TMEM164: variants seen among roughly 807,000 people sequenced by gnomAD.
The protein encoded by TMEM164 is transmembrane protein 164.
Under a neutral mutation model 18.8 loss-of-function variants are expected in TMEM164, and 4 were observed. The observed-to-expected ratio is 0.21, with a 90% CI of 0.10 to 0.49. The LOEUF (loss-of-function observed/expected upper bound fraction) is 0.49. TMEM164 is among the 20% of genes least tolerant of loss of function. The pLI is 0.98. For synonymous variants in TMEM164, 86 were observed against 101.7 expected (o/e 0.85, Z 0.93); for missense variants, 108 against 239.9 (o/e 0.45, Z 3.63).
At chrX:110,123,341 G>A (rs193262802) in intron 4 of TMEM164, among the ~76,000 whole-genome samples, 5 of 112,413 alleles carry the variant, frequency 4.4e-5, no homozygotes, top group Non-Finnish European at 5.6e-5. Context: ...CTTTGAAACT[G>A]AGTGTGCATT....
At position 110,173,739 on chromosome X, in the gene TMEM164, T is replaced by C. The variant is rs2067259849; in HGVS notation, c.*288T>C. The C allele has an allele frequency of 3.2e-6, 1 of 317,434 alleles. No homozygotes were observed. The highest frequency in any genetic ancestry group is 5.6e-5 in the East Asian group (1 of 17,780). 26.2% of individuals were successfully genotyped at this position (317,434 alleles called of 1,213,427 possible). A position where few individuals can be genotyped will look rare whatever the true frequency, so the allele number is the denominator to read the frequency against. ...ATGGGGAGATTGCAGTGAGCGGCTCTTTCACTCTGCTTGTCGGTGCTTTAA... is the reference window on the plus strand; with the variant it reads ...ATGGGGAGATTGCAGTGAGCGGCTCCTTCACTCTGCTTGTCGGTGCTTTAA... On this transcript the variant is annotated 3_prime_UTR_variant, in exon 7 of 7. Coordinates refer to ENST00000372068, the MANE Select transcript of TMEM164 (RefSeq NM_032227.4).
At chrX:110,058,198 A>G (rs1448155767) in intron 2 of TMEM164, among the ~76,000 whole-genome samples, 1 of 111,264 alleles carries the variant, frequency 9.0e-6, no homozygotes, top group Non-Finnish European at 1.9e-5. Flanking sequence ...CATTTGTTCA[A>G]GCAAGCATCT....
At chrX:110,082,842 A>G (rs533176374) in intron 3 of TMEM164, among the ~76,000 whole-genome samples, 1 of 110,579 alleles carries the variant, frequency 9.0e-6, no homozygotes, top group Admixed American at 9.7e-5. Flanking sequence ...ACATATACAT[A>G]ATATGGTGGT....
rs182281827 is a variant in TMEM164, at chrX:110,014,042, A to G, written c.390+9878A>G. 2.7e-5 allele frequency among the ~76,000 whole-genome samples: 3 copies of G among 111,877 alleles called. No individual in the cohort carries two copies. The East Asian group carries it at 8.4e-4, about 31-fold the overall frequency. On this transcript the variant is annotated intron_variant, in intron 2 of 6. Coordinates refer to ENST00000372068, the MANE Select transcript of TMEM164 (RefSeq NM_032227.4). ...TAAAATGATATGATCAAACTTGAAC[A>G]TTACCAGAGTTGTTGTGAGGATTAA...
chrX:110,030,328 C>G (rs1176707484), intron 2 of TMEM164, among the ~76,000 whole-genome samples: 1 of 107,362 alleles, frequency 9.3e-6, no homozygotes, highest in Non-Finnish European at 1.9e-5. Context: ...ACTGCGTTGC[C>G]GAGGCTAGTT....
intron 2 of TMEM164, among the ~76,000 whole-genome samples, chrX:110,024,036 A>G (rs898599719): frequency 9.0e-6 from 1 of 111,584 alleles, no homozygotes; most frequent in Non-Finnish European, 1.9e-5. Flanking sequence ...ACCAGATGGT[A>G]TCTAAGACCT....
At chrX:110,168,679 T>C (rs1287603250) in intron 5 of TMEM164, among the ~76,000 whole-genome samples, 1 of 112,641 alleles carries the variant, frequency 8.9e-6, no homozygotes, top group African/African-American at 3.2e-5. Context: ...TGGTCCCCAC[T>C]TTAGTCACTG....
chrX:110,099,078 G>C (rs974457823), intron 3 of TMEM164, among the ~76,000 whole-genome samples: 1 of 108,761 alleles, frequency 9.2e-6, no homozygotes, highest in Non-Finnish European at 1.9e-5. Context: ...GATTACAGGC[G>C]TGAGCCACCG....
chrX:110,157,009 A>T (rs775904216), intron 5 of TMEM164, among the ~76,000 whole-genome samples: 1 of 112,105 alleles, frequency 8.9e-6, no homozygotes, highest in South Asian at 3.7e-4. Flanking sequence ...CCCAGGAAGC[A>T]TTAGGATAAA....
At chrX:110,019,668 A>G (rs1332810221) in intron 2 of TMEM164, among the ~76,000 whole-genome samples, 2 of 112,208 alleles carry the variant, frequency 1.8e-5, no homozygotes, top group African/African-American at 3.2e-5. Context: ...CTAATCAATC[A>G]TAGGCACGCT....
intron 2 of TMEM164, among the ~76,000 whole-genome samples, chrX:110,028,169 G>A (rs1294291431): frequency 8.9e-6 from 1 of 112,146 alleles, no homozygotes; most frequent in African/African-American, 3.2e-5. Context: ...GTTTAAAATT[G>A]TTAATAGCGT....
intron 2 of TMEM164, among the ~76,000 whole-genome samples, chrX:110,039,126 T>G (rs143394778): frequency 0.011 from 1,216 of 112,047 alleles, 14 homozygotes; most frequent in African/African-American, 0.036. Flanking sequence ...CTTGCATGGT[T>G]GTTGTAAAGA....
chrX:110,075,434 T>C (rs1363928078), intron 3 of TMEM164, among the ~76,000 whole-genome samples: 1 of 111,464 alleles, frequency 9.0e-6, no homozygotes, highest in Non-Finnish European at 1.9e-5. Flanking sequence ...TCTTTCCTAT[T>C]TGGATGCCTT....
At chrX:110,165,535 A>T (rs1385558160) in intron 5 of TMEM164, among the ~76,000 whole-genome samples, 1 of 112,153 alleles carries the variant, frequency 8.9e-6, no homozygotes, top group Admixed American at 9.4e-5. Flanking sequence ...TCCTTCTGCT[A>T]GCCACTTAAC....
At chrX:110,109,333 C>A (rs917785209) in intron 4 of TMEM164, among the ~76,000 whole-genome samples, 187 bp downstream of exon 4, 1 of 111,780 alleles carries the variant, frequency 8.9e-6, no homozygotes, top group Non-Finnish European at 1.9e-5. Flanking sequence ...GTCTGGCCGA[C>A]ATGGTGAAGC....
At chrX:110,115,901 G>A (rs1338956789) in intron 4 of TMEM164, among the ~76,000 whole-genome samples, 1 of 111,462 alleles carries the variant, frequency 9.0e-6, no homozygotes, top group African/African-American at 3.3e-5. Context: ...ACCAGCCTGA[G>A]CAACATATAA....
chrX:110,081,963 G>T (rs1327414949), intron 3 of TMEM164, among the ~76,000 whole-genome samples: 1 of 112,498 alleles, frequency 8.9e-6, no homozygotes, highest in Non-Finnish European at 1.9e-5. Context: ...GAAGGGACAG[G>T]ATTCTCCACA....
chrX:110,117,148 C>T (rs963665630), intron 4 of TMEM164, among the ~76,000 whole-genome samples: 13 of 111,387 alleles, frequency 1.2e-4, no homozygotes, highest in African/African-American at 3.9e-4. Flanking sequence ...GTCCATTTTA[C>T]AGACAGAGCC....
intron 2 of TMEM164, among the ~76,000 whole-genome samples, chrX:110,035,670 A>C (rs1439244931): frequency 9.1e-6 from 1 of 109,852 alleles, no homozygotes; most frequent in Non-Finnish European, 1.9e-5. Flanking sequence ...CGGCCAGCTA[A>C]TTTTTGTATT....
Sources: gnomAD v4.1 joint callset for allele counts (sites outside exome capture counted in the v4.1 genomes callset) on GRCh38, gnomAD v4.1.1 for gene constraint, MANE v1.5 for transcripts, NCBI Gene and HGNC (gene_info 2026-07-23, HGNC 2026-07-21) for gene names.